The following CAB39L variants were observed in gnomAD, a reference collection of about 807,000 sequenced individuals.
CAB39L encodes calcium-binding protein 39-like.
In CAB39L, 23 loss-of-function variants were observed where a neutral mutation model predicts 39.1. The observed-to-expected ratio is 0.59, with a 90% CI of 0.42 to 0.83. The LOEUF is 0.83. Among genes scored for constraint, CAB39L ranks in the 40% least tolerant of loss-of-function variants. CAB39L has a pLI of 0.00. For synonymous variants in CAB39L, 126 were observed against 137.2 expected, an observed-to-expected ratio of 0.92 and a Z score of 0.57; for missense variants, 366 against 391.9, an observed-to-expected ratio of 0.93 and a Z score of 0.56.
chr13:49,438,673 G>C (rs1202139682), intron 1 of CAB39L, among the ~76,000 whole-genome samples: 1 of 152,132 alleles, frequency 6.6e-6, no homozygotes, highest in Non-Finnish European at 1.5e-5. Context: ...CTTTGCAAGT[G>C]ACCTGCTCTT....
chr13:49,437,602 C>T (rs1957438133), intron 1 of CAB39L, among the ~76,000 whole-genome samples: 1 of 152,146 alleles, frequency 6.6e-6, no homozygotes, highest in Non-Finnish European at 1.5e-5. Context: ...TCTTTTTTTA[C>T]AGTCTCCACC....
In CAB39L at chr13:49,394,152, C is replaced by A. The variant is rs146169788; in HGVS notation, c.-31-11211G>T. On this transcript the variant is annotated intron_variant, in intron 3 of 10. Coordinates refer to ENST00000409308, the MANE Select transcript of CAB39L (RefSeq NM_001079670.3). ...TAGGCAAACAACAAACTAGAGAATTCTGTGATATGAATCTGAAAGATGGAG... is the reference window on the plus strand; with the variant it reads ...TAGGCAAACAACAAACTAGAGAATTATGTGATATGAATCTGAAAGATGGAG... 4.9e-3 allele frequency among the ~76,000 whole-genome samples: 744 copies of A among 151,876 alleles called. 2 individuals carry two copies. Among genetic ancestry groups the A allele is most frequent in the African/African-American group, 0.01 (435 of 41,508 alleles).
chr13:49,432,101 TATTTA>T (rs898473573), intron 3 of CAB39L, among the ~76,000 whole-genome samples: 5 of 152,136 alleles, frequency 3.3e-5, no homozygotes, highest in Non-Finnish European at 7.4e-5. Flanking sequence ...CCTTACTCTT[TATTTA>T]TTTTATAATC....
intron 3 of CAB39L, among the ~76,000 whole-genome samples, chr13:49,395,160 A>G (rs1054301448): frequency 2.6e-5 from 4 of 151,686 alleles, no homozygotes; most frequent in Admixed American, 1.3e-4. Context: ...CTTAAATGGT[A>G]TTTTGAATGA....
In CAB39L at chr13:49,433,276, G is replaced by C. The variant is rs557455981; in HGVS notation, c.-32+42C>G. ...GTTGAGCATAGTCTACACGTCTGTCGAGAGCACTTAAAATCTTGATTGAGT... is the reference window on the plus strand; with the variant it reads ...GTTGAGCATAGTCTACACGTCTGTCCAGAGCACTTAAAATCTTGATTGAGT... On this transcript the variant is annotated intron_variant, in intron 3 of 10. Transcript: ENST00000409308. 318 of 425,804 alleles carry C rather than the reference G, an allele frequency of 7.5e-4. 4 individuals are homozygous for C. The highest frequency in any genetic ancestry group is 1.7e-3 in the Middle Eastern group (5 of 2,916). The allele number at this position is 425,804 out of a possible 1,614,324, so 26.4% of individuals were successfully genotyped here.
chr13:49,382,847 TC>T lies in CAB39L; in HGVS notation c.63del (p.Asp23ThrfsTer27). 6.2e-7 allele frequency: 1 copy of T among 1,612,154 alleles called. No homozygotes were observed. The highest frequency in any genetic ancestry group is 1.1e-5 in the South Asian group (1 of 90,760). ...HKNPAEIVKILKDNLAILEKQ... is the reference protein window; with the variant it reads ...HKNPAEIVKIXKDNLAILEKQ... ...TTTTCCAAAATGGCCAAATTGTCTTTCAGGATTTTCACAATTTCTGCTGGAT... is the reference window on the plus strand; with the variant it reads ...TTTTCCAAAATGGCCAAATTGTCTTTAGGATTTTCACAATTTCTGCTGGAT... On this transcript the variant is annotated frameshift_variant, in exon 4 of 11. Transcript: ENST00000409308. LOFTEE classifies it high-confidence loss of function.
rs985208381 is a variant in CAB39L, at chr13:49,403,655, A to C, written c.-31-20714T>G. Among the ~76,000 whole-genome samples the C allele has an allele frequency of 7.2e-5, 11 of 152,304 alleles. No homozygotes were observed. In the South Asian group the frequency reaches 1.2e-3, roughly 17 times the overall value. On this transcript the variant is annotated intron_variant, in intron 3 of 10. Transcript: ENST00000409308. ...GGCAGATATAAAAAAGATCTACATC[A>C]GATTTCTAAGAATTAAAATTACAAT...
intron 5 of CAB39L, among the ~76,000 whole-genome samples, chr13:49,376,376 A>G (rs913980182): frequency 6.6e-6 from 1 of 152,254 alleles, no homozygotes; most frequent in African/African-American, 2.4e-5. Flanking sequence ...TAAAATGACT[A>G]GACATATTCA....
intron 5 of CAB39L, among the ~76,000 whole-genome samples, chr13:49,375,652 C>T (rs60500875): frequency 0.082 from 12,453 of 151,070 alleles, 1,265 homozygotes; most frequent in African/African-American, 0.23. Flanking sequence ...GTTGTGGGGT[C>T]GGGGGAGCGG....
At chr13:49,382,995 A>G in intron 3 of CAB39L, 54 bp from the exon 4 acceptor site, 1 of 684,758 alleles carries the variant, frequency 1.5e-6, no homozygotes, top group South Asian at 1.8e-5. Flanking sequence ...ATATGCTTAA[A>G]TTTTTATACC....
intron 3 of CAB39L, among the ~76,000 whole-genome samples, chr13:49,430,333 T>C (rs1016435363): frequency 1.3e-5 from 2 of 152,128 alleles, no homozygotes. Context: ...AAATTTGCCA[T>C]AGGAAATCAG....
At chr13:49,438,000 T>A (rs1002172968) in intron 1 of CAB39L, among the ~76,000 whole-genome samples, 3 of 144,250 alleles carry the variant, frequency 2.1e-5, no homozygotes, top group African/African-American at 5.2e-5. Context: ...AATTTTTTTA[T>A]TTTTTATTTT....
intron 1 of CAB39L, among the ~76,000 whole-genome samples, chr13:49,436,677 G>A (rs1430362772): frequency 7.0e-6 from 1 of 143,610 alleles, no homozygotes. Context: ...CACTGCATCT[G>A]GCTTTAACTT....
At chr13:49,410,983 T>TTG (rs752256464) in intron 3 of CAB39L, among the ~76,000 whole-genome samples, 1 of 152,232 alleles carries the variant, frequency 6.6e-6, no homozygotes, top group Non-Finnish European at 1.5e-5. Context: ...GAATGGCATC[T>TTG]TGTTTTACAA....
intron 6 of CAB39L, among the ~76,000 whole-genome samples, chr13:49,357,490 G>GA (rs1158784401): frequency 3.3e-5 from 5 of 152,190 alleles, no homozygotes; most frequent in African/African-American, 1.2e-4. Flanking sequence ...TTGCAATAGA[G>GA]AATTAAAACC....
intron 1 of CAB39L, among the ~76,000 whole-genome samples, chr13:49,443,543 C>T (rs1957584869): frequency 6.6e-6 from 1 of 152,128 alleles, no homozygotes; most frequent in African/African-American, 2.4e-5. Context: ...GAGGCACTCC[C>T]CTTCCACTAC....
At chr13:49,395,304 C>T (rs1218848053) in intron 3 of CAB39L, among the ~76,000 whole-genome samples, 10 of 150,262 alleles carry the variant, frequency 6.7e-5, no homozygotes, top group African/African-American at 2.5e-4. Context: ...GGCATGATCT[C>T]GGCTCACTGC....
At chr13:49,365,125 G>T (rs957593314) in intron 5 of CAB39L, among the ~76,000 whole-genome samples, 6 of 151,422 alleles carry the variant, frequency 4.0e-5, no homozygotes, top group Non-Finnish European at 7.4e-5. Flanking sequence ...ACAGAACAAA[G>T]AATCCAGAAA....
intron 5 of CAB39L, among the ~76,000 whole-genome samples, chr13:49,369,403 C>T (rs1307905730): frequency 5.9e-5 from 9 of 152,214 alleles, no homozygotes; most frequent in Non-Finnish European, 1.2e-4. Context: ...ACTCCTAATA[C>T]ATGGCAACGA....
Sources: allele counts gnomAD v4.1 joint callset (sites outside exome capture counted in the v4.1 genomes callset), GRCh38; gene constraint gnomAD v4.1.1; transcripts MANE v1.5; gene names NCBI Gene and HGNC (gene_info 2026-07-23, HGNC 2026-07-21).